ERBB4: variants seen among roughly 807,000 people sequenced by gnomAD.
ERBB4 encodes erb-b2 receptor tyrosine kinase 4, also known as receptor tyrosine-protein kinase erbB-4.
A neutral mutation model predicts 158.0 loss-of-function variants in ERBB4; 42 were observed. The ratio of observed to expected loss-of-function variants is 0.27; its 90% confidence interval spans 0.21 to 0.34. The LOEUF (loss-of-function observed/expected upper bound fraction) is 0.34. ERBB4 is among the 10% of genes least tolerant of loss of function. The pLI is 1.00. For missense variants in ERBB4, 1,333 were observed against 1,624.1 expected (o/e 0.82, Z 3.08); for synonymous variants, 583 against 558.7 (o/e 1.04, Z -0.61).
chr2:212,307,928 C>G (rs1031150711), intron 1 of ERBB4, among the ~76,000 whole-genome samples: 5 of 150,800 alleles, frequency 3.3e-5, no homozygotes, highest in African/African-American at 1.2e-4. Flanking sequence ...CATCTTCTCA[C>G]ATGTTTAACG....
At position 212,152,678 on chromosome 2, in the gene ERBB4, C is replaced by T. The variant is rs1278568185; in HGVS notation, c.83-27775G>A. Reference sequence around the variant, plus strand: ...ACATCATTCTTTCTGAGCTTTTCACCCATACATCTAACTGCCTATTGAATA... The same window carrying T: ...ACATCATTCTTTCTGAGCTTTTCACTCATACATCTAACTGCCTATTGAATA... On this transcript the variant is annotated intron_variant, in intron 1 of 27. Transcript: ENST00000342788. 1.3e-5 allele frequency among the ~76,000 whole-genome samples: 2 copies of T among 152,112 alleles called. 1 individual carries two copies. The highest frequency in any genetic ancestry group is 2.9e-5 in the Non-Finnish European group (2 of 68,014).
Position 211,377,460 on chromosome 2 carries a change from G to A in ERBB4, c.*6155C>T, listed in dbSNP as rs1230636421. ...CTCACTAGAGCATGAAAAGAAAAACGTCCATAAAGAGCAAAAGTAGGTAAA... is the reference window on the plus strand; with the variant it reads ...CTCACTAGAGCATGAAAAGAAAAACATCCATAAAGAGCAAAAGTAGGTAAA... On this transcript the variant is annotated 3_prime_UTR_variant, in exon 28 of 28. Coordinates refer to ENST00000342788, the MANE Select transcript of ERBB4 (RefSeq NM_005235.3). 14 of 232,914 alleles carry A rather than the reference G, an allele frequency of 6.0e-5. No homozygotes were observed. The South Asian group carries it at 1.1e-3, about 18-fold the overall frequency. 14.4% of individuals were successfully genotyped at this position (232,914 alleles called of 1,614,324 possible).
At chr2:212,202,026 C>A (rs1015802128) in intron 1 of ERBB4, among the ~76,000 whole-genome samples, 12 of 152,072 alleles carry the variant, frequency 7.9e-5, no homozygotes, top group Admixed American at 7.9e-4. Flanking sequence ...GTATACTGAA[C>A]AATAATAGCA....
chr2:211,412,919 A>G (rs1451392727), intron 25 of ERBB4, among the ~76,000 whole-genome samples: 1 of 147,326 alleles, frequency 6.8e-6, no homozygotes, highest in African/African-American at 2.5e-5. Context: ...GCTCCACTGC[A>G]CTCCAGCCTG....
rs191278372 is a variant in ERBB4 at position 211,534,634 on chromosome 2, T to C, written c.2487+27269A>G. Among the ~76,000 whole-genome samples the C allele has an allele frequency of 3.0e-4, 46 of 152,246 alleles. 1 individual carries two copies. In the East Asian group the frequency reaches 7.9e-3, roughly 26 times the overall value. ...TTGTAACAGCAGTAATATTAATTGC[T>C]ACCATTATCTTGCTTCTCATGTTAA... On this transcript the variant is annotated intron_variant, in intron 20 of 27. Transcript: ENST00000342788.
chr2:211,472,105 T>C (rs1053167310), intron 20 of ERBB4, among the ~76,000 whole-genome samples: 3 of 152,028 alleles, frequency 2.0e-5, no homozygotes, highest in South Asian at 2.1e-4. Flanking sequence ...AATTTGGTTA[T>C]CCAATTGGAA....
chr2:211,945,417 C>T (rs2080659267), intron 3 of ERBB4, among the ~76,000 whole-genome samples: 1 of 151,926 alleles, frequency 6.6e-6, no homozygotes, highest in East Asian at 1.9e-4. Flanking sequence ...TTCATATTAG[C>T]CTAAATTTCT....
intron 16 of ERBB4, among the ~76,000 whole-genome samples, chr2:211,644,436 C>A (rs1280418861): frequency 7.6e-6 from 1 of 130,756 alleles, no homozygotes; most frequent in Non-Finnish European, 1.7e-5. Context: ...AGATTCACAG[C>A]CTCCAGATAA....
intron 2 of ERBB4, among the ~76,000 whole-genome samples, chr2:212,108,176 T>C (rs892754957): frequency 7.9e-5 from 12 of 152,160 alleles, no homozygotes; most frequent in Non-Finnish European, 1.3e-4. Flanking sequence ...ATGCACACTT[T>C]AGGCAGGAAA....
At chr2:211,731,717 A>G (rs980183103) in intron 5 of ERBB4, among the ~76,000 whole-genome samples, 6 of 152,198 alleles carry the variant, frequency 3.9e-5, no homozygotes, top group Admixed American at 1.3e-4. Flanking sequence ...GTTGTGTAAC[A>G]TGTTTTAAGA....
intron 1 of ERBB4, among the ~76,000 whole-genome samples, chr2:212,269,506 A>C (rs1452375081): frequency 6.6e-6 from 1 of 151,778 alleles, no homozygotes; most frequent in Non-Finnish European, 1.5e-5. Flanking sequence ...GGAGTCTTGC[A>C]ATACTTACAG....
chr2:211,526,870 GAC>G (rs1409756192), intron 20 of ERBB4, among the ~76,000 whole-genome samples: 3 of 152,012 alleles, frequency 2.0e-5, no homozygotes, highest in Admixed American at 6.6e-5. Flanking sequence ...TGAGCTTGAA[GAC>G]ACACTTTTTG....
chr2:211,561,934 A>G lies in ERBB4; in HGVS notation c.2456T>C (p.Leu819Pro). Residue 819 changes from leucine to proline, a missense_variant, in exon 20 of 28, where the codon CTG (leucine) becomes CCG (proline). Physicochemically the swap from Leu to Pro is moderately conservative, Grantham distance 98 (BLOSUM62 -3). Transcript: ENST00000342788. The stretch of plus-strand genomic sequence containing the variant: ...TATCTGGACACACCAGTTAAGCAGC[A>G]GTTGTGATCCAATGTTATCCTTGTG... ...HEHKDNIGSQ[L>P]LLNWCVQIAK... 6.2e-7 allele frequency: 1 copy of G among 1,614,148 alleles called. No individual in the cohort carries two copies. The highest frequency in any genetic ancestry group is 8.5e-7 in the Non-Finnish European group (1 of 1,180,012).
chr2:212,074,098 A>G (rs1233963524), intron 2 of ERBB4, among the ~76,000 whole-genome samples: 1 of 152,156 alleles, frequency 6.6e-6, no homozygotes, highest in South Asian at 2.1e-4. Flanking sequence ...AGCATGAGTC[A>G]AATAGTGTAG....
Position 211,561,891 on chromosome 2 carries a change from A to G in ERBB4, c.2487+12T>C. On this transcript the variant is annotated intron_variant, in intron 20 of 27. Transcript: ENST00000342788. ...AAAAATGTAATTTCCATAGAAATTG[A>G]CAGGCACTTACCTTAGCTATCTGGA... 1.2e-6 allele frequency: 2 copies of G among 1,611,320 alleles called. No homozygotes were observed. Among genetic ancestry groups the G allele is most frequent in the Non-Finnish European group, 1.7e-6 (2 of 1,177,830 alleles).
At chr2:212,083,584 G>T (rs555898537) in intron 2 of ERBB4, among the ~76,000 whole-genome samples, 2 of 151,678 alleles carry the variant, frequency 1.3e-5, no homozygotes, top group Non-Finnish European at 2.9e-5. Context: ...GAGACTGCCC[G>T]CACTAAAAGG....
At chr2:212,083,357 T>C (rs2078502885) in intron 2 of ERBB4, among the ~76,000 whole-genome samples, 1 of 151,904 alleles carries the variant, frequency 6.6e-6, no homozygotes, top group South Asian at 2.1e-4. Flanking sequence ...CAAGGGGTAA[T>C]GATAAATGGC....
At chr2:212,512,115 C>G (rs1029400560) in intron 1 of ERBB4, among the ~76,000 whole-genome samples, 1 of 152,078 alleles carries the variant, frequency 6.6e-6, no homozygotes, top group African/African-American at 2.4e-5. Flanking sequence ...ATGATTCTCT[C>G]CCCAGGGATG....
At chr2:211,905,681 T>TATATATATATATATACAC (rs1480195605) in intron 3 of ERBB4, among the ~76,000 whole-genome samples, 30 of 110,646 alleles carry the variant, frequency 2.7e-4, no homozygotes, top group Non-Finnish European at 4.5e-4. Flanking sequence ...TATATATATA[T>TATATATATATATATACAC]ACACACATAT....
Sources: gnomAD v4.1 joint callset for allele counts (sites outside exome capture counted in the v4.1 genomes callset) on GRCh38, gnomAD v4.1.1 for gene constraint, MANE v1.5 for transcripts, NCBI Gene and HGNC (gene_info 2026-07-23, HGNC 2026-07-21) for gene names.